SCRG1: variants seen among roughly 807,000 people sequenced by gnomAD.
SCRG1 encodes the protein stimulator of chondrogenesis 1.
Under a neutral mutation model 7.7 loss-of-function variants are expected in SCRG1, and 3 were observed. That is an observed-to-expected ratio of 0.39 (90% confidence interval 0.18 to 1.01). The LOEUF (loss-of-function observed/expected upper bound fraction) is 1.01. Ranked by LOEUF, SCRG1 falls within the 50% of genes least tolerant of loss-of-function variation. The pLI is 0.36. For synonymous variants in SCRG1, 46 were observed against 41.2 expected, an observed-to-expected ratio of 1.12 and a Z score of -0.44; for missense variants, 110 against 117.2, an observed-to-expected ratio of 0.94 and a Z score of 0.28.
the SCRG1 span, among the ~76,000 whole-genome samples, chr4:173,483,534 T>TCTG: frequency 2.1e-5 from 2 of 95,582 alleles, no homozygotes; most frequent in African/African-American, 4.3e-5. Flanking sequence ...TATATTGTAT[T>TCTG]ATGATATATA....
At chr4:173,491,012 A>G in the SCRG1 span, among the ~76,000 whole-genome samples, 3 of 152,180 alleles carry the variant, frequency 2.0e-5, no homozygotes, top group Non-Finnish European at 4.4e-5. Flanking sequence ...TGGGTGGCTA[A>G]CAGCTGATGG....
chr4:173,483,277 A>C, the SCRG1 span, among the ~76,000 whole-genome samples: 34,532 of 40,326 alleles, frequency 0.86, 15,092 homozygotes, highest in East Asian at 0.93. Context: ...TATGATATAT[A>C]ATATATGATA....
the SCRG1 span, chr4:173,446,453 A>C: frequency 1.3e-5 from 2 of 152,212 alleles, no homozygotes; most frequent in East Asian, 3.8e-4. Flanking sequence ...AATCAATAAA[A>C]TTATTACTAT....
At chr4:173,494,183 C>A in the SCRG1 span, among the ~76,000 whole-genome samples, 1 of 152,114 alleles carries the variant, frequency 6.6e-6, no homozygotes, top group Non-Finnish European at 1.5e-5. Flanking sequence ...CGTGCACACC[C>A]AGGCGCGAGT....
the SCRG1 span, among the ~76,000 whole-genome samples, chr4:173,481,844 G>A: frequency 2.6e-5 from 4 of 152,078 alleles, no homozygotes; most frequent in African/African-American, 7.2e-5. Context: ...TATGTTATCA[G>A]TAAGGCTTCC....
At position 173,388,287 on chromosome 4, in the gene SCRG1, T is replaced by C. The variant is rs1739300195; in HGVS notation, c.*54A>G. On this transcript the variant is annotated 3_prime_UTR_variant, in exon 3 of 3. Transcript: ENST00000296506. ...AACTAGAAATGCAGTTATACTGATG[T>C]AGTGCAGTTTGTGGGAAATCAGGAA... The C allele has an allele frequency of 8.2e-7, 1 of 1,214,192 alleles. No individual in the cohort carries two copies. The allele number at this position is 1,214,192 out of a possible 1,614,324, so 75.2% of individuals were successfully genotyped here.
At chr4:173,442,585 C>T in the SCRG1 span, among the ~76,000 whole-genome samples, 1 of 152,124 alleles carries the variant, frequency 6.6e-6, no homozygotes, top group African/African-American at 2.4e-5. Context: ...TTTTTCTATC[C>T]ATTTGTCTTA....
At chr4:173,409,009 A>G (rs1426796323), upstream of SCRG1, among the ~76,000 whole-genome samples, 1 of 151,318 alleles carries the variant, frequency 6.6e-6, no homozygotes, top group Non-Finnish European at 1.5e-5. Context: ...AAAAAAAAAA[A>G]AAAAAGAAAA....
At chr4:173,415,081 C>T in the SCRG1 span, among the ~76,000 whole-genome samples, 1 of 152,196 alleles carries the variant, frequency 6.6e-6, no homozygotes, top group Non-Finnish European at 1.5e-5. Flanking sequence ...GTTAATATTG[C>T]ATGTTAATTT....
At chr4:173,469,426 C>T in the SCRG1 span, 1 of 152,020 alleles carries the variant, frequency 6.6e-6, no homozygotes, top group Non-Finnish European at 1.5e-5. Context: ...AATTATCCCT[C>T]AACAATCTTC....
At chr4:173,390,189 A>G (rs1036132955) in intron 2 of SCRG1, among the ~76,000 whole-genome samples, 4 of 152,070 alleles carry the variant, frequency 2.6e-5, no homozygotes, top group Admixed American at 2.6e-4. Flanking sequence ...GATTACAGGC[A>G]TGTGCCACCA....
the SCRG1 span, among the ~76,000 whole-genome samples, chr4:173,502,957 G>A: frequency 6.6e-6 from 1 of 152,180 alleles, no homozygotes; most frequent in Non-Finnish European, 1.5e-5. The surrounding 1 kb of genome is among the most constrained non-coding windows in gnomAD (Gnocchi z 4.6). Flanking sequence ...AAAATAGAAG[G>A]GGGGTCTGGT....
chr4:173,425,993 G>A, the SCRG1 span, among the ~76,000 whole-genome samples: 2 of 152,232 alleles, frequency 1.3e-5, no homozygotes, highest in Non-Finnish European at 2.9e-5. Flanking sequence ...GCCATGGGGG[G>A]CTGAGGCCCC....
the SCRG1 span, among the ~76,000 whole-genome samples, chr4:173,486,447 T>C: frequency 9.9e-5 from 15 of 152,280 alleles, no homozygotes; most frequent in African/African-American, 3.6e-4. Context: ...AACAGCCCTT[T>C]TCATCATCTA....
chr4:173,506,379 G>A, the SCRG1 span, among the ~76,000 whole-genome samples: 1 of 152,082 alleles, frequency 6.6e-6, no homozygotes, highest in African/African-American at 2.4e-5. This position sits in a 1 kb window ranked among gnomAD's most constrained non-coding sequence, Gnocchi z 5.3. Context: ...ACCAGGAGAC[G>A]GCCCAGGCTG....
chr4:173,488,122 TAAA>T, the SCRG1 span, among the ~76,000 whole-genome samples: 1 of 151,136 alleles, frequency 6.6e-6, no homozygotes, highest in Non-Finnish European at 1.5e-5. Flanking sequence ...AATAAATAAA[TAAA>T]TAAATAAATT....
the SCRG1 span, among the ~76,000 whole-genome samples, chr4:173,498,053 G>T: frequency 6.6e-6 from 1 of 152,126 alleles, no homozygotes; most frequent in African/African-American, 2.4e-5. Flanking sequence ...TTGGGAGTTT[G>T]TTGTGTGAAG....
the SCRG1 span, among the ~76,000 whole-genome samples, chr4:173,452,069 T>G: frequency 6.6e-6 from 1 of 152,022 alleles, no homozygotes; most frequent in African/African-American, 2.4e-5. Context: ...AATTTCTAAG[T>G]GTTGATTGTC....
chr4:173,503,304 G>T, the SCRG1 span, among the ~76,000 whole-genome samples: 2 of 152,224 alleles, frequency 1.3e-5, no homozygotes, highest in African/African-American at 4.8e-5. This position sits in a 1 kb window ranked among gnomAD's most constrained non-coding sequence, Gnocchi z 6.4. Flanking sequence ...CTTGTGGGGA[G>T]GGTTGGACGT....
Sources: gnomAD v4.1 joint callset for allele counts (sites outside exome capture counted in the v4.1 genomes callset) on GRCh38, gnomAD v4.1.1 for gene constraint, Gnocchi (gnomAD v3.1) non-coding constraint, MANE v1.5 for transcripts, NCBI Gene and HGNC (gene_info 2026-07-23, HGNC 2026-07-21) for gene names.